Variants in CAMTA1 observed in about 807,000 individuals in gnomAD.
CAMTA1 encodes calmodulin-binding transcription activator 1.
In CAMTA1, 27 loss-of-function variants were observed where a neutral mutation model predicts 170.9. That is an observed-to-expected ratio of 0.16 (90% CI 0.12 to 0.22). The LOEUF (loss-of-function observed/expected upper bound fraction) is 0.22, where lower values mean the gene tolerates loss of function less well. Among genes scored for constraint, CAMTA1 ranks in the 10% least tolerant of loss-of-function variants. CAMTA1 has a pLI of 1.00. For synonymous variants in CAMTA1, 833 were observed against 891.5 expected, an observed-to-expected ratio of 0.93 and a Z score of 1.17; for missense variants, 1,619 against 2,217.2, an observed-to-expected ratio of 0.73 and a Z score of 5.42.
chr1:7,046,551 C>T (rs1470052375), intron 3 of CAMTA1, among the ~76,000 whole-genome samples: 1 of 152,208 alleles, frequency 6.6e-6, no homozygotes, highest in East Asian at 1.9e-4. Flanking sequence ...AGCTGATGTG[C>T]TCACTCTGCA....
chr1:7,643,583 G>C (rs920093977), intron 7 of CAMTA1, among the ~76,000 whole-genome samples: 1 of 152,236 alleles, frequency 6.6e-6, no homozygotes, highest in South Asian at 2.1e-4. Flanking sequence ...ATGAACTCCA[G>C]GGGGTGGAAA....
chr1:7,394,482 A>G (rs2089072249), intron 5 of CAMTA1, among the ~76,000 whole-genome samples: 1 of 152,128 alleles, frequency 6.6e-6, no homozygotes, highest in African/African-American at 2.4e-5. Flanking sequence ...GACCATTTGT[A>G]TGCTGTCTTT....
intron 3 of CAMTA1, among the ~76,000 whole-genome samples, chr1:6,906,929 G>T (rs1353720791): frequency 1.3e-5 from 2 of 152,198 alleles, no homozygotes; most frequent in African/African-American, 2.4e-5. Flanking sequence ...AGGAGAAGCA[G>T]TTGTGACCCG....
intron 11 of CAMTA1, among the ~76,000 whole-genome samples, chr1:7,703,753 G>T (rs763967259): frequency 1.3e-5 from 2 of 152,170 alleles, no homozygotes; most frequent in Non-Finnish European, 2.9e-5. Flanking sequence ...TTGGGGTCAG[G>T]CACTTTCTCT....
chr1:7,518,153 G>A (rs1005883244), intron 6 of CAMTA1, among the ~76,000 whole-genome samples: 1 of 151,956 alleles, frequency 6.6e-6, no homozygotes, highest in Admixed American at 6.5e-5. Flanking sequence ...CACGTGTCAG[G>A]GATATGGCTC....
intron 2 of CAMTA1, among the ~76,000 whole-genome samples, chr1:6,821,363 C>CT (rs1476989098): frequency 6.6e-6 from 1 of 152,148 alleles, no homozygotes; most frequent in Admixed American, 6.5e-5. Context: ...GTATTTGCTG[C>CT]TGTGAGCATT....
intron 11 of CAMTA1, among the ~76,000 whole-genome samples, chr1:7,731,614 G>A (rs1215973998): frequency 1.3e-5 from 2 of 151,234 alleles, no homozygotes; most frequent in Non-Finnish European, 2.9e-5. Flanking sequence ...GGCTGAGTAC[G>A]GTGGTTCACA....
At chr1:6,823,778 A>C (rs190170805) in intron 2 of CAMTA1, among the ~76,000 whole-genome samples, 3 of 152,264 alleles carry the variant, frequency 2.0e-5, no homozygotes, top group African/African-American at 7.2e-5. Flanking sequence ...GTACTGAACA[A>C]AGCCGTAGTA....
intron 22 of CAMTA1, among the ~76,000 whole-genome samples, chr1:7,761,218 C>A (rs1213144896): frequency 6.6e-6 from 1 of 152,142 alleles, no homozygotes; most frequent in Non-Finnish European, 1.5e-5. Flanking sequence ...GTCAGTCTTG[C>A]TATTCTAATT....
At chr1:6,951,271 C>T (rs1005022003) in intron 3 of CAMTA1, among the ~76,000 whole-genome samples, 1 of 152,122 alleles carries the variant, frequency 6.6e-6, no homozygotes, top group Non-Finnish European at 1.5e-5. Context: ...GGGATTCGTT[C>T]CTTCATTCAT....
chr1:7,591,970 C>T (rs2095358702), intron 6 of CAMTA1, among the ~76,000 whole-genome samples: 1 of 152,206 alleles, frequency 6.6e-6, no homozygotes, highest in Non-Finnish European at 1.5e-5. Context: ...GGGATCTCAG[C>T]TCACTGCAAC....
chr1:7,550,697 A>G (rs1255983859), intron 6 of CAMTA1, among the ~76,000 whole-genome samples: 1 of 130,754 alleles, frequency 7.6e-6, no homozygotes, highest in Non-Finnish European at 1.6e-5. Flanking sequence ...TGTCTCACAC[A>G]GTCCTCTCCT....
chr1:7,536,348 G>C (rs1418630745), intron 6 of CAMTA1, among the ~76,000 whole-genome samples: 1 of 152,172 alleles, frequency 6.6e-6, no homozygotes, highest in Non-Finnish European at 1.5e-5. Flanking sequence ...CGGCAGGGAG[G>C]GGCTTTGTGG....
chr1:6,871,869 C>T, intron 3 of CAMTA1: 2 of 1,454,528 alleles, frequency 1.4e-6, no homozygotes, highest in Non-Finnish European at 1.8e-6. Context: ...AATTTAATTT[C>T]ATTTTTTAAT....
At chr1:7,618,630 G>T (rs921752721) in intron 6 of CAMTA1, among the ~76,000 whole-genome samples, 12 of 152,174 alleles carry the variant, frequency 7.9e-5, no homozygotes, top group Admixed American at 4.6e-4. Context: ...ATAGTAAAAG[G>T]CCACACATCA....
At chr1:7,271,115 C>G (rs1361330726) in intron 5 of CAMTA1, among the ~76,000 whole-genome samples, 1 of 152,060 alleles carries the variant, frequency 6.6e-6, no homozygotes, top group African/African-American at 2.4e-5. Flanking sequence ...GATGGGGCCT[C>G]TAAGGAAGTA....
chr1:7,031,800 T>C lies in CAMTA1; in HGVS notation c.235-59504T>C, dbSNP rs778821236. On this transcript the variant is annotated intron_variant, in intron 3 of 22. Coordinates refer to ENST00000303635, the MANE Select transcript of CAMTA1 (RefSeq NM_015215.4). Reference sequence around the variant, plus strand: ...TTGTGATCTGCCCACCTTGGCCTCCTGAAGTGCTGGGATTATAGGCATGAG... The same window carrying C: ...TTGTGATCTGCCCACCTTGGCCTCCCGAAGTGCTGGGATTATAGGCATGAG... Among the ~76,000 whole-genome samples the C allele has an allele frequency of 3.3e-5, 5 of 152,096 alleles. No individual in the cohort carries two copies. The South Asian group carries it at 8.3e-4, about 25-fold the overall frequency.
Position 7,443,233 on chromosome 1 carries a change from G to A in CAMTA1, c.439-24597G>A, listed in dbSNP as rs1298981753. On this transcript the variant is annotated intron_variant, in intron 5 of 22. Transcript: ENST00000303635. This position sits in a 1 kb window ranked among gnomAD's most constrained non-coding sequence, Gnocchi z 4.1. ...CCTAGACGTGTATGATGATCTGCAT[G>A]AAGTCCATTTCCCCACTTTCGTGGG... 1.3e-5 allele frequency among the ~76,000 whole-genome samples: 2 copies of A among 152,246 alleles called. No individual in the cohort carries two copies. Among genetic ancestry groups the A allele is most frequent in the East Asian group, 3.8e-4 (2 of 5,200 alleles).
chr1:7,312,108 C>A (rs929863579), intron 5 of CAMTA1, among the ~76,000 whole-genome samples: 4 of 152,104 alleles, frequency 2.6e-5, no homozygotes, highest in Non-Finnish European at 2.9e-5. Flanking sequence ...TGACTGCACC[C>A]ACATCTGGGA....
Sources: allele counts gnomAD v4.1 joint callset (sites outside exome capture counted in the v4.1 genomes callset), GRCh38; gene constraint gnomAD v4.1.1; non-coding constraint Gnocchi (gnomAD v3.1); transcripts MANE v1.5; gene names NCBI Gene and HGNC (gene_info 2026-07-23, HGNC 2026-07-21).